DNAJA2: variants seen among roughly 807,000 people sequenced by gnomAD.
The protein encoded by DNAJA2 is DnaJ heat shock protein family (Hsp40) member A2, also known as dnaJ homolog subfamily A member 2.
A neutral mutation model predicts 49.3 loss-of-function variants in DNAJA2; 6 were observed. That is an observed-to-expected ratio of 0.12 (90% confidence interval 0.07 to 0.24). DNAJA2 has a LOEUF of 0.24. DNAJA2 is among the 10% of genes least tolerant of loss of function. The pLI is 1.00. For synonymous variants in DNAJA2, 160 were observed against 172.7 expected, an observed-to-expected ratio of 0.93 and a Z score of 0.58; for missense variants, 347 against 516.8, an observed-to-expected ratio of 0.67 and a Z score of 3.19.
chr16:46,970,761 GGGCACAGT>G (rs1402857973), intron 3 of DNAJA2, among the ~76,000 whole-genome samples: 1 of 39,372 alleles, frequency 2.5e-5, no homozygotes, highest in Admixed American at 3.9e-4. Context: ...AAAAAAGGTC[GGGCACAGT>G]GGCTCACGCC....
chr16:46,966,618 AAC>A lies in DNAJA2; in HGVS notation c.577+893_577+894del, dbSNP rs528153406. ...TTTTTATAATTAAAATTTTAATCAGAACACAGCCATATCCATGTGTCTGTGGC... is the reference window on the plus strand; with the variant it reads ...TTTTTATAATTAAAATTTTAATCAGAACAGCCATATCCATGTGTCTGTGGC... On this transcript the variant is annotated intron_variant, in intron 5 of 8. Transcript: ENST00000317089. Among the ~76,000 whole-genome samples, 48 of 152,316 alleles carry A rather than the reference AAC, an allele frequency of 3.2e-4. No homozygotes were observed. The South Asian group carries it at 9.9e-3, about 32-fold the overall frequency.
intron 1 of DNAJA2, 41 bp from the exon 2 acceptor site, chr16:46,971,996 A>G: frequency 2.2e-6 from 3 of 1,392,514 alleles, no homozygotes; most frequent in South Asian, 1.2e-5. Flanking sequence ...ATAACTAAAC[A>G]CCAGTTAAAA....
chr16:46,971,657 A>G, intron 2 of DNAJA2, 85 bp from the exon 3 acceptor site: 1 of 952,412 alleles, frequency 1.0e-6, no homozygotes, highest in Non-Finnish European at 1.5e-6. Flanking sequence ...AATCCATTTA[A>G]TTCTAAAAAA....
chr16:46,971,217 AAAG>A (rs1962042724), intron 3 of DNAJA2, 129 bp downstream of exon 3: 2 of 686,282 alleles, frequency 2.9e-6, no homozygotes, highest in Non-Finnish European at 2.3e-6. Context: ...TTAGTCACCA[AAAG>A]AAGACAAGGC....
chr16:46,971,858 C>T (rs1345793377), intron 2 of DNAJA2, 38 bp downstream of exon 2: 4 of 1,569,102 alleles, frequency 2.5e-6, no homozygotes, highest in African/African-American at 1.4e-5. Context: ...TAAGTTAAAG[C>T]TAAAACCCCC....
Position 46,956,098 on chromosome 16 carries a change from T to C in DNAJA2, c.*931A>G, listed in dbSNP as rs1237562294. On this transcript the variant is annotated 3_prime_UTR_variant, in exon 9 of 9. Transcript: ENST00000317089. ...ATGCAGACATGGTTTTACTATAGAT[T>C]TGCTGTTACCTTATTTTTTTAAGGG... 6.6e-6 allele frequency: 1 copy of C among 152,214 alleles called. No homozygotes were observed. Among genetic ancestry groups the C allele is most frequent in the African/African-American group, 2.4e-5 (1 of 41,462 alleles). The allele number at this position is 152,214 out of a possible 1,614,324, so 9.4% of individuals were successfully genotyped here. A position where few individuals can be genotyped will look rare whatever the true frequency, so the allele number is the denominator to read the frequency against.
chr16:46,973,111 G>A lies in DNAJA2; in HGVS notation c.78+384C>T, dbSNP rs562512892. ...AGCTTCTCTCTCGGGGCCGGGATGCGCTGAGCACCTCGGTCCAACCTGTTT... is the reference window on the plus strand; with the variant it reads ...AGCTTCTCTCTCGGGGCCGGGATGCACTGAGCACCTCGGTCCAACCTGTTT... On this transcript the variant is annotated intron_variant, in intron 1 of 8. Transcript: ENST00000317089. 3.9e-5 allele frequency among the ~76,000 whole-genome samples: 6 copies of A among 152,266 alleles called. No individual in the cohort carries two copies. In the East Asian group the frequency reaches 1.2e-3, roughly 29 times the overall value.
At chr16:46,959,645 G>T in intron 6 of DNAJA2, 1 of 460,976 alleles carries the variant, frequency 2.2e-6, no homozygotes, top group Non-Finnish European at 3.9e-6. Flanking sequence ...GTAAACAATG[G>T]CATATATAAG....
At position 46,966,541 on chromosome 16, in the gene DNAJA2, A is replaced by G. The variant is rs1455146002; in HGVS notation, c.577+972T>C. On this transcript the variant is annotated intron_variant, in intron 5 of 8. Coordinates refer to ENST00000317089, the MANE Select transcript of DNAJA2 (RefSeq NM_005880.4). ...AACATTTCCATCATCACAGAAAAAA[A>G]TTCTATTGGATAGCACTGCTCTAGA... Among the ~76,000 whole-genome samples, 4 of 152,330 alleles carry G rather than the reference A, an allele frequency of 2.6e-5. No individual in the cohort carries two copies. In the East Asian group the frequency reaches 7.7e-4, roughly 29 times the overall value.
intron 6 of DNAJA2, among the ~76,000 whole-genome samples, chr16:46,963,810 G>A (rs1377711311): frequency 6.6e-6 from 1 of 152,084 alleles, no homozygotes; most frequent in Admixed American, 6.6e-5. Flanking sequence ...GCTCACTTGG[G>A]TACCCAATAA....
chr16:46,970,860 G>C (rs1360570557), intron 3 of DNAJA2, among the ~76,000 whole-genome samples: 2 of 147,654 alleles, frequency 1.4e-5, no homozygotes, highest in East Asian at 4.2e-4. Context: ...CCAACATGGA[G>C]AAACCCCATC....
chr16:46,970,459 T>C (rs1596658847), intron 3 of DNAJA2, among the ~76,000 whole-genome samples: 2 of 152,128 alleles, frequency 1.3e-5, no homozygotes. Context: ...TCAAAGAAAA[T>C]AGGCTGGGCG....
At chr16:46,969,283 A>G (rs1596658387) in intron 3 of DNAJA2, among the ~76,000 whole-genome samples, 1 of 152,226 alleles carries the variant, frequency 6.6e-6, no homozygotes, top group Non-Finnish European at 1.5e-5. Context: ...TGTAGGCAGG[A>G]TAAGAATACC....
intron 4 of DNAJA2, 50 bp from the exon 5 acceptor site, chr16:46,967,696 A>G (rs1457755474): frequency 6.2e-7 from 1 of 1,611,650 alleles, no homozygotes; most frequent in Non-Finnish European, 8.5e-7. Context: ...AAACCACTCC[A>G]ATAAGCTATG....
chr16:46,973,637 A>T lies in DNAJA2; in HGVS notation c.-65T>A, dbSNP rs536888505. On this transcript the variant is annotated 5_prime_UTR_variant, in exon 1 of 9. Coordinates refer to ENST00000317089, the MANE Select transcript of DNAJA2 (RefSeq NM_005880.4). ...GCAGACAGAGCGGAGTCGGGCCCAC[A>T]AGCGGCGTCGGCGGCGGCACAGGCC... 3.9e-6 allele frequency: 6 copies of T among 1,524,758 alleles called. No individual in the cohort carries two copies. Among genetic ancestry groups the T allele is most frequent in the South Asian group, 1.2e-5 (1 of 86,456 alleles). The allele number at this position is 1,524,758 out of a possible 1,614,324, so 94.5% of individuals were successfully genotyped here.
Position 46,973,666 on chromosome 16 carries a change from G to T in DNAJA2, c.-94C>A. The T allele has an allele frequency of 7.4e-7, 1 of 1,353,208 alleles. No individual in the cohort carries two copies. Among genetic ancestry groups the T allele is most frequent in the Non-Finnish European group, 1.0e-6 (1 of 987,240 alleles). The allele number at this position is 1,353,208 out of a possible 1,614,324, so 83.8% of individuals were successfully genotyped here. A position where few individuals can be genotyped will look rare whatever the true frequency, so the allele number is the denominator to read the frequency against. ...GGCGTCGGCGGCGGCACAGGCCGAG[G>T]GAGACAGCGAGGGGGAAGCGGGGGC... On this transcript the variant is annotated 5_prime_UTR_variant, in exon 1 of 9. Coordinates refer to ENST00000317089, the MANE Select transcript of DNAJA2 (RefSeq NM_005880.4).
At chr16:46,972,027 C>A in intron 1 of DNAJA2, 72 bp from the exon 2 acceptor site, 1 of 1,052,394 alleles carries the variant, frequency 9.5e-7, no homozygotes, top group Non-Finnish European at 1.5e-6. Context: ...AACTTAATAT[C>A]CACTTTTCTG....
In DNAJA2 at chr16:46,959,554, G is replaced by C. The variant is rs556221777; in HGVS notation, c.775-135C>G. On this transcript the variant is annotated intron_variant, in intron 6 of 8. Coordinates refer to ENST00000317089, the MANE Select transcript of DNAJA2 (RefSeq NM_005880.4). ...CAAATCCAAAGTGCCACTGTCCCTA[G>C]TGCCCTAAACCGCATTAGGAAAGCT... is the stretch of plus-strand genomic sequence containing the variant. The C allele has an allele frequency of 8.7e-6, 7 of 802,120 alleles. 1 individual carries two copies. In the South Asian group the frequency reaches 9.6e-5, roughly 11 times the overall value. 49.7% of individuals were successfully genotyped at this position (802,120 alleles called of 1,614,324 possible). A position where few individuals can be genotyped will look rare whatever the true frequency, so the allele number is the denominator to read the frequency against.
intron 1 of DNAJA2, chr16:46,972,850 G>C (rs1170257413): frequency 6.6e-6 from 1 of 152,220 alleles, no homozygotes; most frequent in Non-Finnish European, 1.5e-5. Context: ...TTATTCCTAA[G>C]CAGGTACAGG....
Sources: gnomAD v4.1 joint callset for allele counts (sites outside exome capture counted in the v4.1 genomes callset) on GRCh38, gnomAD v4.1.1 for gene constraint, MANE v1.5 for transcripts, NCBI Gene and HGNC (gene_info 2026-07-23, HGNC 2026-07-21) for gene names.